Variants in ATRNL1 observed in about 807,000 individuals in gnomAD.
ATRNL1 encodes the protein attractin like 1.
ATRNL1 carries 95 observed loss-of-function variants against 182.7 expected under a neutral mutation model. The observed-to-expected ratio is 0.52, with a 90% CI of 0.44 to 0.62. ATRNL1 has a LOEUF of 0.62. ATRNL1 is among the 20% of genes least tolerant of loss of function. The pLI, the probability that ATRNL1 is intolerant of heterozygous loss-of-function variation, is 0.00. For synonymous variants in ATRNL1, 576 were observed against 568.3 expected, an observed-to-expected ratio of 1.01 and a Z score of -0.19; for missense variants, 1,471 against 1,679.5, an observed-to-expected ratio of 0.88 and a Z score of 2.17.
intron 19 of ATRNL1, among the ~76,000 whole-genome samples, chr10:115,358,919 A>C (rs1419204805): frequency 2.0e-5 from 3 of 151,672 alleles, no homozygotes; most frequent in Non-Finnish European, 4.4e-5. Flanking sequence ...TCTTTTAATC[A>C]GTATTTTATT....
At chr10:115,391,830 G>A (rs1189970859) in intron 19 of ATRNL1, among the ~76,000 whole-genome samples, 1 of 151,722 alleles carries the variant, frequency 6.6e-6, no homozygotes, top group Non-Finnish European at 1.5e-5. Flanking sequence ...TTTTAGTAGA[G>A]TTTTATTTGT....
chr10:115,870,186 A>G (rs1241297477), intron 28 of ATRNL1, among the ~76,000 whole-genome samples: 4 of 152,156 alleles, frequency 2.6e-5, no homozygotes, highest in Admixed American at 1.3e-4. Flanking sequence ...GGTATTTTGA[A>G]TATCACAAAA....
chr10:115,152,759 A>C (rs375513642), intron 5 of ATRNL1, among the ~76,000 whole-genome samples: 2 of 151,134 alleles, frequency 1.3e-5, no homozygotes, highest in African/African-American at 4.9e-5. Context: ...ATGTTGAATA[A>C]GAGTGGTGAG....
At chr10:115,394,180 T>C (rs1346513804) in intron 19 of ATRNL1, among the ~76,000 whole-genome samples, 2 of 152,060 alleles carry the variant, frequency 1.3e-5, no homozygotes, top group African/African-American at 4.8e-5. Context: ...CATTACCTCA[T>C]TTAATTTTCA....
Position 115,776,284 on chromosome 10 carries a change from G to A in ATRNL1, c.3903+48929G>A, listed in dbSNP as rs139629313. On this transcript the variant is annotated intron_variant, in intron 27 of 28. Coordinates refer to ENST00000355044, the MANE Select transcript of ATRNL1 (RefSeq NM_207303.4). Reference sequence around the variant, plus strand: ...AAGCGTATGTTAATCTGGACATGGAGTATCTGTAGCTAAATAGTATATGCC... The same window carrying A: ...AAGCGTATGTTAATCTGGACATGGAATATCTGTAGCTAAATAGTATATGCC... Among the ~76,000 whole-genome samples the A allele has an allele frequency of 2.7e-3, 411 of 152,316 alleles. 2 individuals carry two copies. The highest frequency in any genetic ancestry group is 5.7e-3 in the Admixed American group (87 of 15,308).
Position 115,948,171 on chromosome 10 carries a change from T to C in ATRNL1, c.*3392T>C, listed in dbSNP as rs2133658464. Reference sequence around the variant, plus strand: ...ACATTTAGTCAATAAAGACTTAAACTCTTCTTAAATCTATAGTTTTAGGAG... The same window carrying C: ...ACATTTAGTCAATAAAGACTTAAACCCTTCTTAAATCTATAGTTTTAGGAG... On this transcript the variant is annotated 3_prime_UTR_variant, in exon 29 of 29. Coordinates refer to ENST00000355044, the MANE Select transcript of ATRNL1 (RefSeq NM_207303.4). The C allele has an allele frequency of 6.6e-6, 1 of 152,350 alleles. No homozygotes were observed. Among genetic ancestry groups the C allele is most frequent in the African/African-American group, 2.4e-5 (1 of 41,582 alleles). 9.4% of individuals were successfully genotyped at this position (152,350 alleles called of 1,614,324 possible). A position where few individuals can be genotyped will look rare whatever the true frequency, so the allele number is the denominator to read the frequency against.
intron 25 of ATRNL1, among the ~76,000 whole-genome samples, chr10:115,537,900 C>T (rs1271450930): frequency 6.6e-6 from 1 of 152,170 alleles, no homozygotes. Context: ...CTCCCCACCC[C>T]TACACGCTGG....
intron 27 of ATRNL1, among the ~76,000 whole-genome samples, chr10:115,734,198 CCTA>C (rs1947883291): frequency 6.6e-6 from 1 of 151,610 alleles, no homozygotes; most frequent in Admixed American, 6.6e-5. Flanking sequence ...TGAAAAAAAA[CCTA>C]CTGAATCAAA....
At chr10:115,916,227 G>A (rs1423065212) in intron 28 of ATRNL1, among the ~76,000 whole-genome samples, 2 of 152,310 alleles carry the variant, frequency 1.3e-5, no homozygotes, top group African/African-American at 2.4e-5. Flanking sequence ...CTGCTGGGAG[G>A]CAATGACTCC....
At chr10:115,423,539 A>C (rs1190386944) in intron 20 of ATRNL1, among the ~76,000 whole-genome samples, 4 of 152,164 alleles carry the variant, frequency 2.6e-5, no homozygotes, top group Admixed American at 2.6e-4. Flanking sequence ...GAAACAAACA[A>C]GCAAATGAAC....
At chr10:115,170,346 A>G (rs1406994412) in intron 7 of ATRNL1, among the ~76,000 whole-genome samples, 2 of 152,158 alleles carry the variant, frequency 1.3e-5, no homozygotes, top group Admixed American at 6.6e-5. Flanking sequence ...TCATTTATGT[A>G]CCATTTATTT....
chr10:115,294,239 C>T (rs1207715956), intron 15 of ATRNL1, among the ~76,000 whole-genome samples: 4 of 152,276 alleles, frequency 2.6e-5, no homozygotes, highest in South Asian at 2.1e-4. Context: ...GTCCTAGCTA[C>T]TTGGGACACT....
At chr10:115,515,980 A>G (rs1388798499) in intron 24 of ATRNL1, among the ~76,000 whole-genome samples, 1 of 151,624 alleles carries the variant, frequency 6.6e-6, no homozygotes, top group Non-Finnish European at 1.5e-5. Flanking sequence ...GGCCCTGAAT[A>G]TCCTCTTAGA....
chr10:115,303,221 G>GTTTTTGTTT (rs781902037), intron 17 of ATRNL1, among the ~76,000 whole-genome samples: 2 of 106,996 alleles, frequency 1.9e-5, no homozygotes, highest in African/African-American at 9.1e-5. Context: ...TGGTATGCAG[G>GTTTTTGTTT]TTTTTTTTTT....
chr10:115,376,582 CT>C (rs1554949614), intron 19 of ATRNL1, among the ~76,000 whole-genome samples: 1 of 152,160 alleles, frequency 6.6e-6, no homozygotes, highest in Admixed American at 6.5e-5. Context: ...TGATCTTGAA[CT>C]CCTGGTCTCA....
In ATRNL1 at chr10:115,771,270, G is replaced by C. The variant is rs1218689450; in HGVS notation, c.3903+43915G>C. 2.1e-5 allele frequency among the ~76,000 whole-genome samples: 3 copies of C among 140,944 alleles called. No homozygotes were observed. In the South Asian group the frequency reaches 6.6e-4, roughly 31 times the overall value. The allele number at this position is 140,944 out of a possible 152,430, so 92.5% of individuals were successfully genotyped here. On this transcript the variant is annotated intron_variant, in intron 27 of 28. Transcript: ENST00000355044. ...TTTTGAGACAGAGTCTCACTCTTTC[G>C]CCCAGGCCGGACTGCAGTGGCACTA...
chr10:115,098,265 G>A (rs1267293982), intron 1 of ATRNL1, among the ~76,000 whole-genome samples: 2 of 152,078 alleles, frequency 1.3e-5, no homozygotes, highest in African/African-American at 4.8e-5. Flanking sequence ...GCATGATTTG[G>A]CCCCTTTAGC....
At chr10:115,943,004 A>T (rs1484448651) in intron 28 of ATRNL1, among the ~76,000 whole-genome samples, 1 of 152,246 alleles carries the variant, frequency 6.6e-6, no homozygotes, top group Non-Finnish European at 1.5e-5. Flanking sequence ...AATGTAACAA[A>T]GCAGATCAAC....
intron 27 of ATRNL1, among the ~76,000 whole-genome samples, chr10:115,741,355 C>G (rs1210310569): frequency 6.6e-6 from 1 of 151,930 alleles, no homozygotes; most frequent in African/African-American, 2.4e-5. Context: ...AGGATGGAGA[C>G]AGGTAAGAAG....
Sources: gnomAD v4.1 joint callset for allele counts (sites outside exome capture counted in the v4.1 genomes callset) on GRCh38, gnomAD v4.1.1 for gene constraint, MANE v1.5 for transcripts, NCBI Gene and HGNC (gene_info 2026-07-23, HGNC 2026-07-21) for gene names.